The following CSMD1 variants were observed in gnomAD, a reference collection of about 807,000 sequenced individuals.
The protein encoded by CSMD1 is CUB and Sushi multiple domains 1.
CSMD1 carries 213 observed loss-of-function variants against 417.5 expected under a neutral mutation model. The ratio of observed to expected loss-of-function variants is 0.51; its 90% CI spans 0.46 to 0.57. CSMD1 has a LOEUF of 0.57. Ranked by LOEUF, CSMD1 falls within the 20% of genes least tolerant of loss-of-function variation. The probability of loss-of-function intolerance (pLI) is 0.00; values close to 1 mark genes in which losing one functional copy is unlikely to be tolerated. For missense variants in CSMD1, 6,923 were observed against 4,529.7 expected, an observed-to-expected ratio of 1.53 and a Z score of -15.17; for synonymous variants, 2,862 against 1,736.8, an observed-to-expected ratio of 1.65 and a Z score of -16.11.
At chr8:3,528,331 T>C (rs1025990774) in intron 10 of CSMD1, among the ~76,000 whole-genome samples, 2 of 152,234 alleles carry the variant, frequency 1.3e-5, no homozygotes, top group Non-Finnish European at 2.9e-5. Flanking sequence ...TTCCCCTCTC[T>C]ATTTATACCA....
At chr8:4,112,236 C>G (rs1483871835) in intron 3 of CSMD1, among the ~76,000 whole-genome samples, 2 of 152,188 alleles carry the variant, frequency 1.3e-5, no homozygotes, top group Middle Eastern at 3.4e-3. Flanking sequence ...TGAAGCTCAC[C>G]TCCTGAGGTT....
intron 3 of CSMD1, among the ~76,000 whole-genome samples, chr8:4,110,197 T>G (rs1328986424): frequency 6.6e-6 from 1 of 152,070 alleles, no homozygotes; most frequent in Non-Finnish European, 1.5e-5. Flanking sequence ...AGAATAAAAT[T>G]TAAAATCTAG....
At chr8:4,989,236 C>A (rs1225359487) in intron 1 of CSMD1, among the ~76,000 whole-genome samples, 4 of 152,038 alleles carry the variant, frequency 2.6e-5, no homozygotes, top group Non-Finnish European at 5.9e-5. Context: ...ATTTCTATTT[C>A]TTTGGCTCAG....
At chr8:4,155,640 A>G (rs1242036014) in intron 3 of CSMD1, among the ~76,000 whole-genome samples, 1 of 152,152 alleles carries the variant, frequency 6.6e-6, no homozygotes, top group African/African-American at 2.4e-5. Flanking sequence ...TGGTTAGCTG[A>G]TGACATAATA....
At chr8:4,462,207 A>G (rs1799877987) in intron 2 of CSMD1, among the ~76,000 whole-genome samples, 1 of 152,180 alleles carries the variant, frequency 6.6e-6, no homozygotes, top group Non-Finnish European at 1.5e-5. Context: ...CACAATAGTA[A>G]TAAGCTGAAC....
chr8:4,715,110 G>C (rs912044097), intron 1 of CSMD1, among the ~76,000 whole-genome samples: 1 of 152,062 alleles, frequency 6.6e-6, no homozygotes, highest in African/African-American at 2.4e-5. Context: ...ATCACTTATA[G>C]TTCAGATCCA....
chr8:3,470,018 C>G (rs779965898), intron 11 of CSMD1, among the ~76,000 whole-genome samples: 1 of 152,110 alleles, frequency 6.6e-6, no homozygotes, highest in Non-Finnish European at 1.5e-5. Flanking sequence ...AAAAAGCGCA[C>G]AGATCGTGAA....
At chr8:3,750,620 T>C (rs2623725) in intron 6 of CSMD1, among the ~76,000 whole-genome samples, 136,347 of 152,084 alleles carry the variant, frequency 0.9, 61,140 homozygotes, top group South Asian at 0.94. Context: ...TTAATCTCGG[T>C]ATAGACAAGA....
rs761167253 is a variant in CSMD1 at position 4,668,415 on chromosome 8, C to CATTATTGTT, written c.86-30858_86-30857insAACAATAAT. 1.7e-3 allele frequency among the ~76,000 whole-genome samples: 217 copies of CATTATTGTT among 129,992 alleles called. 1 individual carries two copies. Among genetic ancestry groups the CATTATTGTT allele is most frequent in the African/African-American group, 5.8e-3 (202 of 34,732 alleles). 85.3% of individuals were successfully genotyped at this position (129,992 alleles called of 152,430 possible). The stretch of plus-strand genomic sequence containing the variant: ...ACTCTAACTTGCTTTTGATGTTTTC[C>CATTATTGTT]ATTATTATTATTATTATTATTATTA... On this transcript the variant is annotated intron_variant, in intron 1 of 69. Coordinates refer to ENST00000635120, the MANE Select transcript of CSMD1 (RefSeq NM_033225.6).
At chr8:4,370,136 G>C (rs528516693) in intron 3 of CSMD1, among the ~76,000 whole-genome samples, 2 of 151,808 alleles carry the variant, frequency 1.3e-5, no homozygotes, top group African/African-American at 2.4e-5. Flanking sequence ...AAGGCAGGTC[G>C]AGTTTCAACA....
intron 2 of CSMD1, among the ~76,000 whole-genome samples, chr8:4,530,449 A>T (rs951165813): frequency 6.8e-6 from 1 of 147,760 alleles, no homozygotes; most frequent in African/African-American, 2.5e-5. Flanking sequence ...CTAGGTTTTA[A>T]TCCCCACATG....
chr8:3,783,399 G>A (rs566053464), intron 5 of CSMD1, among the ~76,000 whole-genome samples: 4 of 152,328 alleles, frequency 2.6e-5, no homozygotes, highest in African/African-American at 7.2e-5. Flanking sequence ...GGTGACCCAC[G>A]GCTGGCACAG....
At chr8:3,325,495 A>G (rs1027377919) in intron 23 of CSMD1, among the ~76,000 whole-genome samples, 3 of 152,220 alleles carry the variant, frequency 2.0e-5, no homozygotes, top group South Asian at 2.1e-4. Context: ...GTGGCCAACA[A>G]CTTATTCCTC....
intron 5 of CSMD1, among the ~76,000 whole-genome samples, chr8:3,977,203 G>T (rs1005362874): frequency 6.6e-6 from 1 of 152,060 alleles, no homozygotes; most frequent in African/African-American, 2.4e-5. Flanking sequence ...ATCACAATCA[G>T]TGAACACGTG....
In CSMD1 at chr8:3,108,751, A is replaced by G; in HGVS notation, c.6609-3T>C. On this transcript the variant is annotated splice_region_variant and splice_polypyrimidine_tract_variant and intron_variant, in intron 43 of 69. Coordinates refer to ENST00000635120, the MANE Select transcript of CSMD1 (RefSeq NM_033225.6). ...GTGAGTTCTGATCGGGACCGTCCCT[A>G]GGAAAGACAGAAAGAGGTGGCTGGC... is the stretch of plus-strand genomic sequence containing the variant. 1.2e-6 allele frequency: 2 copies of G among 1,605,748 alleles called. No homozygotes were observed. Among genetic ancestry groups the G allele is most frequent in the Non-Finnish European group, 1.7e-6 (2 of 1,175,300 alleles).
At chr8:3,797,637 A>C (rs542490584) in intron 5 of CSMD1, among the ~76,000 whole-genome samples, 22 of 152,090 alleles carry the variant, frequency 1.4e-4, no homozygotes, top group African/African-American at 5.1e-4. Context: ...GTGTTCTTTT[A>C]TACAAATATG....
intron 52 of CSMD1, among the ~76,000 whole-genome samples, chr8:3,001,713 G>T (rs80117737): frequency 7.2e-5 from 11 of 152,090 alleles, no homozygotes; most frequent in African/African-American, 2.7e-4. Context: ...GAAACTTTTC[G>T]TAGGAAAACA....
At chr8:4,276,963 A>T (rs1485105607) in intron 3 of CSMD1, among the ~76,000 whole-genome samples, 2 of 152,182 alleles carry the variant, frequency 1.3e-5, no homozygotes, top group African/African-American at 4.8e-5. Flanking sequence ...CCAACAAATG[A>T]AAACAAACTA....
intron 5 of CSMD1, among the ~76,000 whole-genome samples, chr8:3,959,511 C>G (rs2740836): frequency 0.46 from 69,427 of 151,838 alleles, 16,759 homozygotes; most frequent in East Asian, 0.79. Context: ...AAGAAATAAT[C>G]AAAGAACAAA....
Sources: gnomAD v4.1 joint callset for allele counts (sites outside exome capture counted in the v4.1 genomes callset) on GRCh38, gnomAD v4.1.1 for gene constraint, MANE v1.5 for transcripts, NCBI Gene and HGNC (gene_info 2026-07-23, HGNC 2026-07-21) for gene names.